Variants in ADAMTSL1 observed in about 807,000 individuals in gnomAD.
ADAMTSL1 encodes ADAMTS like 1, also known as ADAMTS-like protein 1.
Under a neutral mutation model 201.8 loss-of-function variants are expected in ADAMTSL1, and 126 were observed. That is an observed-to-expected ratio of 0.62 (90% CI 0.54 to 0.72). The LOEUF (loss-of-function observed/expected upper bound fraction) is 0.72. Among genes scored for constraint, ADAMTSL1 ranks in the 30% least tolerant of loss-of-function variants. The pLI is 0.00. For missense variants in ADAMTSL1, 2,679 were observed against 2,277.8 expected (o/e 1.18, Z -3.59); for synonymous variants, 1,121 against 903.4 (o/e 1.24, Z -4.32).
At chr9:18,677,666 G>A (rs915593321) in intron 10 of ADAMTSL1, among the ~76,000 whole-genome samples, 5 of 151,960 alleles carry the variant, frequency 3.3e-5, no homozygotes, top group Admixed American at 6.6e-5. Flanking sequence ...GGTTAAAATT[G>A]ATTTCTTATA....
rs1830107125 is a variant in ADAMTSL1, at chr9:18,903,182, T to C, written c.4852-2600T>C. ...ATCACACCACTGCATTCCAAGATTC[T>C]GTCTCAAAACAAAAACATAAAAAGA... On this transcript the variant is annotated intron_variant, in intron 26 of 28. Coordinates refer to ENST00000380548, the MANE Select transcript of ADAMTSL1 (RefSeq NM_001040272.6). Among the ~76,000 whole-genome samples, 4 of 152,094 alleles carry C rather than the reference T, an allele frequency of 2.6e-5. No homozygotes were observed. The South Asian group carries it at 6.2e-4, about 24-fold the overall frequency.
At chr9:18,232,073 A>G (rs1024506069) in intron 2 of ADAMTSL1, among the ~76,000 whole-genome samples, 1 of 152,186 alleles carries the variant, frequency 6.6e-6, no homozygotes, top group Non-Finnish European at 1.5e-5. Flanking sequence ...CATGTCACTC[A>G]AAGTAAAAGC....
chr9:18,163,097 T>G (rs999192070), intron 1 of ADAMTSL1, among the ~76,000 whole-genome samples: 22 of 152,138 alleles, frequency 1.4e-4, no homozygotes, highest in African/African-American at 5.3e-4. Context: ...AATTTGCCTC[T>G]CACCAGAGGT....
intron 4 of ADAMTSL1, among the ~76,000 whole-genome samples, chr9:18,591,693 T>A (rs539837131): frequency 6.6e-6 from 1 of 152,314 alleles, no homozygotes; most frequent in East Asian, 1.9e-4. Context: ...TAAATCACTG[T>A]AACTAGGCTC....
intron 2 of ADAMTSL1, among the ~76,000 whole-genome samples, chr9:18,177,660 A>C (rs1482252930): frequency 6.6e-6 from 1 of 152,196 alleles, no homozygotes; most frequent in Non-Finnish European, 1.5e-5. Context: ...CCTATATTCC[A>C]GCCAGTGAGA....
At chr9:18,207,304 A>T (rs1587311974) in intron 2 of ADAMTSL1, among the ~76,000 whole-genome samples, 2 of 152,176 alleles carry the variant, frequency 1.3e-5, no homozygotes, top group East Asian at 3.8e-4. Flanking sequence ...ATAGCTAACA[A>T]TTATTGGGCA....
At chr9:18,526,897 CA>C (rs1381305449) in intron 2 of ADAMTSL1, among the ~76,000 whole-genome samples, 5 of 152,158 alleles carry the variant, frequency 3.3e-5, no homozygotes, top group African/African-American at 1.2e-4. Flanking sequence ...CTAAATGGCC[CA>C]GGATCCCTGG....
intron 23 of ADAMTSL1, among the ~76,000 whole-genome samples, chr9:18,852,017 C>T (rs1826526452): frequency 6.6e-6 from 1 of 152,322 alleles, no homozygotes; most frequent in South Asian, 2.1e-4. Context: ...CTGACCATCA[C>T]CTAATGGTTG....
chr9:18,676,787 C>T (rs1051223044), intron 10 of ADAMTSL1, among the ~76,000 whole-genome samples: 3 of 152,010 alleles, frequency 2.0e-5, no homozygotes, highest in Admixed American at 6.6e-5. Flanking sequence ...GCAGCCTGCT[C>T]CATCTCAAAT....
chr9:18,660,440 T>C (rs958895886), intron 8 of ADAMTSL1, among the ~76,000 whole-genome samples: 20 of 152,306 alleles, frequency 1.3e-4, no homozygotes. Flanking sequence ...TCATTTTTGC[T>C]CTAACTCTTC....
chr9:18,157,308 T>C (rs117732123), intron 1 of ADAMTSL1, among the ~76,000 whole-genome samples: 4,911 of 152,146 alleles, frequency 0.032, 118 homozygotes, highest in Non-Finnish European at 0.054. Flanking sequence ...GTTTTATTAA[T>C]AGTTTTTAAA....
intron 2 of ADAMTSL1, among the ~76,000 whole-genome samples, chr9:18,391,870 C>T (rs1315687397): frequency 1.4e-5 from 2 of 139,548 alleles, no homozygotes; most frequent in Non-Finnish European, 1.5e-5. Flanking sequence ...TGCAGCCCAG[C>T]CTGGAGTGCA....
At chr9:18,779,667 G>C (rs1244678965) in intron 19 of ADAMTSL1, among the ~76,000 whole-genome samples, 12 of 152,132 alleles carry the variant, frequency 7.9e-5, no homozygotes, top group Admixed American at 7.9e-4. Flanking sequence ...TCTTATCCCT[G>C]TCATTTTCTC....
chr9:18,157,088 A>G (rs1285852230), intron 1 of ADAMTSL1, among the ~76,000 whole-genome samples: 3 of 152,016 alleles, frequency 2.0e-5, no homozygotes, highest in Non-Finnish European at 4.4e-5. Flanking sequence ...AGCTTGGTGA[A>G]GATGGTTGCT....
chr9:18,095,416 C>CTTTTTT lies in ADAMTSL1; in HGVS notation c.88-68427_88-68422dup, dbSNP rs35164794. The stretch of plus-strand genomic sequence containing the variant: ...TCCCTGATAAGTTTCTTCTTTCTTT[C>CTTTTTT]TTTTTTTTTTTTTTTTTTTTTTTTG... On this transcript the variant is annotated intron_variant, in intron 1 of 29. Transcript: ENST00000680146. 7.5e-4 allele frequency among the ~76,000 whole-genome samples: 75 copies of CTTTTTT among 100,114 alleles called. 4 individuals are homozygous for CTTTTTT. Among genetic ancestry groups the CTTTTTT allele is most frequent in the South Asian group, 1.7e-3 (4 of 2,412 alleles). 65.7% of individuals were successfully genotyped at this position (100,114 alleles called of 152,430 possible). A position where few individuals can be genotyped will look rare whatever the true frequency, so the allele number is the denominator to read the frequency against.
chr9:18,902,885 G>A (rs1489959279), intron 26 of ADAMTSL1, among the ~76,000 whole-genome samples: 1 of 152,108 alleles, frequency 6.6e-6, no homozygotes, highest in African/African-American at 2.4e-5. Flanking sequence ...AATGAAAATG[G>A]AGACATTACT....
chr9:18,601,802 G>A (rs767470464), intron 4 of ADAMTSL1, among the ~76,000 whole-genome samples: 3 of 151,176 alleles, frequency 2.0e-5, no homozygotes, highest in Admixed American at 6.6e-5. Context: ...TAGATGTAAT[G>A]TAGCATATCT....
At chr9:17,974,788 A>G (rs560640963) in intron 1 of ADAMTSL1, among the ~76,000 whole-genome samples, 15 of 152,174 alleles carry the variant, frequency 9.9e-5, no homozygotes, top group Non-Finnish European at 2.2e-4. Context: ...TCTGTTGAAC[A>G]CTTAGGTTGT....
intron 2 of ADAMTSL1, among the ~76,000 whole-genome samples, chr9:18,439,515 C>A (rs10963608): frequency 0.074 from 11,277 of 151,976 alleles, 819 homozygotes; most frequent in East Asian, 0.37. Flanking sequence ...TACAGGTGCG[C>A]GCCACCACAC....
Sources: allele counts gnomAD v4.1 joint callset (sites outside exome capture counted in the v4.1 genomes callset), GRCh38; gene constraint gnomAD v4.1.1; transcripts MANE v1.5; gene names NCBI Gene and HGNC (gene_info 2026-07-23, HGNC 2026-07-21).